CHD1L: variants seen among roughly 807,000 people sequenced by gnomAD.
CHD1L encodes the protein chromodomain helicase DNA binding protein 1 like, also known as ATP-dependent chromatin remodeler CHD1L.
In CHD1L, 118 loss-of-function variants were observed where a neutral mutation model predicts 115.9. The ratio of observed to expected loss-of-function variants is 1.02; its 90% CI spans 0.88 to 1.19. The LOEUF is 1.19. Among genes scored for constraint, CHD1L ranks in the 50% most tolerant of loss-of-function variants. The probability of loss-of-function intolerance (pLI) is 0.00; values close to 1 mark genes in which losing one functional copy is unlikely to be tolerated. For synonymous variants in CHD1L, 411 were observed against 387.1 expected (o/e 1.06, Z -0.72); for missense variants, 1,179 against 1,065.3 (o/e 1.11, Z -1.49).
intron 11 of CHD1L, 22 bp downstream of exon 11, chr1:147,271,027 A>G (rs782006971): frequency 6.3e-7 from 1 of 1,589,094 alleles, no homozygotes; most frequent in South Asian, 1.1e-5. Flanking sequence ...TGGCCACTAC[A>G]TTACCTAAGG....
At chr1:147,183,820 G>A in the CHD1L span, among the ~76,000 whole-genome samples, 2 of 152,130 alleles carry the variant, frequency 1.3e-5, no homozygotes, top group African/African-American at 2.4e-5. Flanking sequence ...TTTAAATGCT[G>A]TATTACTCCT....
chr1:147,187,138 G>A, the CHD1L span: 1 of 1,614,034 alleles, frequency 6.2e-7, no homozygotes, highest in East Asian at 2.2e-5. Flanking sequence ...CTTGGGGTCA[G>A]TGAAGGCCAG....
intron 3 of CHD1L, among the ~76,000 whole-genome samples, 161 bp downstream of exon 3, chr1:147,255,137 T>C (rs868926990): frequency 2.0e-5 from 3 of 152,260 alleles, no homozygotes; most frequent in Middle Eastern, 6.8e-3. Context: ...GAGGATATAA[T>C]AGGGGAAGAG....
chr1:147,260,054 T>C, intron 6 of CHD1L, 136 bp downstream of exon 6: 1 of 618,964 alleles, frequency 1.6e-6, no homozygotes. Flanking sequence ...TCCCCACACA[T>C]GTACAGCTGT....
chr1:147,277,021 G>C lies in CHD1L; in HGVS notation c.1539+764G>C, dbSNP rs189410343. ...TGCAAAAGAAGGAAGGACAGGAGTT[G>C]GCTACTGTTTAGAGTTGGGTCTCAA... is the stretch of plus-strand genomic sequence containing the variant. On this transcript the variant is annotated intron_variant, in intron 14 of 22. Coordinates refer to ENST00000369258, the MANE Select transcript of CHD1L (RefSeq NM_004284.6). Among the ~76,000 whole-genome samples the C allele has an allele frequency of 4.7e-3, 709 of 152,146 alleles. 2 individuals are homozygous for C. The highest frequency in any genetic ancestry group is 7.3e-3 in the Non-Finnish European group (495 of 68,006).
the CHD1L span, chr1:147,210,745 T>C: frequency 2.6e-5 from 4 of 152,202 alleles, no homozygotes; most frequent in Non-Finnish European, 4.4e-5. Context: ...AGGTGTGGTA[T>C]ATAGTAAACA....
intron 5 of CHD1L, among the ~76,000 whole-genome samples, chr1:147,257,491 T>A (rs1670520622): frequency 6.6e-6 from 1 of 152,100 alleles, no homozygotes; most frequent in South Asian, 2.1e-4. Flanking sequence ...TGAAAGTCAG[T>A]CACTGGAAAG....
chr1:147,275,496 C>T (rs1488049874), intron 13 of CHD1L, 28 bp downstream of exon 13: 4 of 1,547,698 alleles, frequency 2.6e-6, no homozygotes, highest in Admixed American at 1.7e-5. Flanking sequence ...GCTTCCTTGG[C>T]TTGCCCAGCA....
the CHD1L span, among the ~76,000 whole-genome samples, chr1:147,222,195 C>T: frequency 1.3e-5 from 2 of 152,142 alleles, no homozygotes; most frequent in African/African-American, 2.4e-5. Context: ...CATGGTGAAA[C>T]CCCATCTTTA....
chr1:147,175,070 A>G, the CHD1L span: 8 of 152,332 alleles, frequency 5.3e-5, no homozygotes, highest in African/African-American at 1.4e-4. Context: ...GGGCATCTGG[A>G]GGTTTATATT....
the CHD1L span, chr1:147,204,114 T>A: frequency 1.9e-6 from 2 of 1,059,580 alleles, no homozygotes; most frequent in Non-Finnish European, 3.0e-6. Context: ...TCCATGAGAT[T>A]TTCTTCTCCC....
intron 1 of CHD1L, among the ~76,000 whole-genome samples, chr1:147,246,824 AT>A (rs1416413613): frequency 7.2e-5 from 11 of 152,216 alleles, no homozygotes; most frequent in African/African-American, 2.4e-4. Flanking sequence ...AAAGTTTTAA[AT>A]TTTGGCTAAA....
At chr1:147,196,661 G>A in the CHD1L span, among the ~76,000 whole-genome samples, 1 of 151,978 alleles carries the variant, frequency 6.6e-6, no homozygotes. Flanking sequence ...GTACAGTTAT[G>A]TCTTAATTCA....
At chr1:147,249,516 G>A (rs1230581839) in intron 1 of CHD1L, among the ~76,000 whole-genome samples, 1 of 139,576 alleles carries the variant, frequency 7.2e-6, no homozygotes, top group East Asian at 2.2e-4. Context: ...AGCAATTTTC[G>A]TGCCTCAGCC....
chr1:147,262,731 CA>C (rs11414167), intron 6 of CHD1L, among the ~76,000 whole-genome samples: 2 of 149,830 alleles, frequency 1.3e-5, no homozygotes, highest in African/African-American at 4.9e-5. Context: ...AGGGAGATGG[CA>C]AAAAAAAAAA....
the CHD1L span, chr1:147,201,538 G>T: frequency 6.5e-7 from 1 of 1,537,986 alleles, no homozygotes; most frequent in Admixed American, 1.8e-5. Flanking sequence ...GTGGAGAAAT[G>T]AGAGAAAGAG....
chr1:147,196,119 A>G, the CHD1L span, among the ~76,000 whole-genome samples: 1 of 152,134 alleles, frequency 6.6e-6, no homozygotes, highest in Admixed American at 6.5e-5. Flanking sequence ...TGTTTCCCAT[A>G]TAATGGTTTT....
the CHD1L span, among the ~76,000 whole-genome samples, chr1:147,214,022 A>C: frequency 1.3e-5 from 2 of 152,186 alleles, no homozygotes; most frequent in South Asian, 4.1e-4. Context: ...ACTATAAAGA[A>C]AGAGGCTGTG....
the CHD1L span, among the ~76,000 whole-genome samples, chr1:147,228,148 A>T: frequency 6.6e-6 from 1 of 151,778 alleles, no homozygotes; most frequent in South Asian, 2.1e-4. Context: ...TCCTAATGCT[A>T]TCCCTTCCCC....
Sources: gnomAD v4.1 joint callset for allele counts (sites outside exome capture counted in the v4.1 genomes callset) on GRCh38, gnomAD v4.1.1 for gene constraint, MANE v1.5 for transcripts, NCBI Gene and HGNC (gene_info 2026-07-23, HGNC 2026-07-21) for gene names.